The following KCND2 variants were observed in gnomAD, a reference collection of about 807,000 sequenced individuals.
The protein encoded by KCND2 is A-type voltage-gated potassium channel KCND2.
In KCND2, 16 loss-of-function variants were observed where a neutral mutation model predicts 54.4. The observed-to-expected ratio is 0.29, with a 90% CI of 0.20 to 0.45. The LOEUF (loss-of-function observed/expected upper bound fraction) is 0.45, where lower values mean the gene tolerates loss of function less well. Ranked by LOEUF, KCND2 falls within the 20% of genes least tolerant of loss-of-function variation. The pLI, the probability that KCND2 is intolerant of heterozygous loss-of-function variation, is 1.00. For missense variants in KCND2, 486 were observed against 824.2 expected (o/e 0.59, Z 5.02); for synonymous variants, 317 against 310.7 (o/e 1.02, Z -0.21).
intron 1 of KCND2, among the ~76,000 whole-genome samples, chr7:120,435,308 T>G (rs1221807429): frequency 6.7e-6 from 1 of 149,446 alleles, no homozygotes; most frequent in Non-Finnish European, 1.5e-5. Flanking sequence ...AGAGACAGGG[T>G]TTCAACAAGT....
intron 1 of KCND2, among the ~76,000 whole-genome samples, chr7:120,451,983 A>G (rs370304942): frequency 2.6e-5 from 4 of 152,362 alleles, no homozygotes; most frequent in East Asian, 1.9e-4. Flanking sequence ...TATTCAAACT[A>G]CAACAGAAAT....
At chr7:120,605,712 A>C (rs918896557) in intron 1 of KCND2, among the ~76,000 whole-genome samples, 6 of 152,206 alleles carry the variant, frequency 3.9e-5, no homozygotes, top group African/African-American at 1.4e-4. Flanking sequence ...CATTTCCACA[A>C]ATCTTCCCCA....
chr7:120,637,106 A>G (rs1793314757), intron 1 of KCND2, among the ~76,000 whole-genome samples: 1 of 152,128 alleles, frequency 6.6e-6, no homozygotes, highest in Non-Finnish European at 1.5e-5. Context: ...TGAGCCAAAG[A>G]TGAGTAAGAA....
At chr7:120,407,298 T>C (rs959026685) in intron 1 of KCND2, among the ~76,000 whole-genome samples, 10 of 152,038 alleles carry the variant, frequency 6.6e-5, no homozygotes, top group Admixed American at 6.6e-4. Flanking sequence ...CTCTATTGTG[T>C]GCCAACAGTT....
intron 1 of KCND2, among the ~76,000 whole-genome samples, chr7:120,509,467 A>G (rs1319963979): frequency 1.3e-5 from 2 of 152,076 alleles, no homozygotes; most frequent in Non-Finnish European, 2.9e-5. Context: ...ATTTTATTAC[A>G]TTATCCAGAG....
At chr7:120,442,047 T>C (rs372504284) in intron 1 of KCND2, among the ~76,000 whole-genome samples, 24 of 152,264 alleles carry the variant, frequency 1.6e-4, no homozygotes, top group African/African-American at 5.5e-4. Flanking sequence ...ACTTGTTTCC[T>C]ACTGAAACAG....
At chr7:120,507,917 G>A (rs556999122) in intron 1 of KCND2, among the ~76,000 whole-genome samples, 270 of 151,534 alleles carry the variant, frequency 1.8e-3, no homozygotes, top group Admixed American at 3.0e-3. Context: ...TCACTGGGAG[G>A]GTAAATGCCA....
intron 2 of KCND2, 110 bp downstream of exon 2, chr7:120,733,175 C>A: frequency 9.7e-7 from 1 of 1,025,652 alleles, no homozygotes; most frequent in East Asian, 2.5e-5. Flanking sequence ...GTAGTTGCAT[C>A]AATCAGGACC....
intron 1 of KCND2, among the ~76,000 whole-genome samples, chr7:120,589,324 AT>A (rs1277347169): frequency 6.6e-6 from 1 of 152,232 alleles, no homozygotes; most frequent in African/African-American, 2.4e-5. Flanking sequence ...ATAAATAAAA[AT>A]TTAGGCCTAA....
intron 1 of KCND2, among the ~76,000 whole-genome samples, chr7:120,407,277 A>C (rs1801375577): frequency 6.6e-6 from 1 of 152,042 alleles, no homozygotes; most frequent in African/African-American, 2.4e-5. Flanking sequence ...AAGGTGAAGA[A>C]GTTTTATTGG....
At chr7:120,632,330 A>C (rs373346362) in intron 1 of KCND2, among the ~76,000 whole-genome samples, 6 of 152,172 alleles carry the variant, frequency 3.9e-5, no homozygotes, top group Non-Finnish European at 8.8e-5. Context: ...TCTGTCTTGC[A>C]CTTGTAAACA....
intron 1 of KCND2, among the ~76,000 whole-genome samples, chr7:120,589,430 T>C (rs1003618928): frequency 1.2e-4 from 18 of 151,810 alleles, no homozygotes; most frequent in African/African-American, 4.1e-4. Context: ...TGTAGATGTT[T>C]TTTAAACTTT....
At chr7:120,538,750 A>T (rs572429112) in intron 1 of KCND2, among the ~76,000 whole-genome samples, 1 of 152,018 alleles carries the variant, frequency 6.6e-6, no homozygotes, top group South Asian at 2.1e-4. Context: ...GACCAGCCAA[A>T]CCCCATGGGC....
chr7:120,564,845 GCACCT>G (rs2116416414), intron 1 of KCND2, among the ~76,000 whole-genome samples: 1 of 152,156 alleles, frequency 6.6e-6, no homozygotes, highest in Admixed American at 6.6e-5. Context: ...ATTTTAATGA[GCACCT>G]CAAATGATTC....
intron 1 of KCND2, among the ~76,000 whole-genome samples, chr7:120,530,229 T>A (rs1264090650): frequency 1.3e-5 from 2 of 152,178 alleles, no homozygotes; most frequent in Non-Finnish European, 2.9e-5. Context: ...AGGGGATGGA[T>A]ACCCCATTCT....
At chr7:120,651,417 TG>T (rs1791731651) in intron 1 of KCND2, among the ~76,000 whole-genome samples, 3 of 152,288 alleles carry the variant, frequency 2.0e-5, no homozygotes, top group African/African-American at 7.2e-5. Flanking sequence ...CTCCCAGCCA[TG>T]CACGGGATAT....
intron 1 of KCND2, among the ~76,000 whole-genome samples, chr7:120,338,570 C>T (rs995295530): frequency 6.6e-6 from 1 of 151,412 alleles, no homozygotes. Context: ...TTTCTATAGG[C>T]CTAGTATTTC....
At chr7:120,345,026 G>C (rs974983205) in intron 1 of KCND2, among the ~76,000 whole-genome samples, 1 of 152,180 alleles carries the variant, frequency 6.6e-6, no homozygotes, top group African/African-American at 2.4e-5. Context: ...AAAGAGAGAA[G>C]CCCTCATAGG....
chr7:120,439,739 T>G (rs1801922532), intron 1 of KCND2, among the ~76,000 whole-genome samples: 1 of 152,092 alleles, frequency 6.6e-6, no homozygotes, highest in African/African-American at 2.4e-5. Context: ...CTCCCACATA[T>G]GAATGAGAAT....
Sources: allele counts gnomAD v4.1 joint callset (sites outside exome capture counted in the v4.1 genomes callset), GRCh38; gene constraint gnomAD v4.1.1; transcripts MANE v1.5; gene names NCBI Gene and HGNC (gene_info 2026-07-23, HGNC 2026-07-21).